The following COL24A1 variants were observed in gnomAD, a reference collection of about 807,000 sequenced individuals.
COL24A1 encodes collagen type XXIV alpha 1 chain, also known as collagen alpha-1(XXIV) chain.
In COL24A1, 224 loss-of-function variants were observed where a neutral mutation model predicts 253.9. The ratio of observed to expected loss-of-function variants is 0.88; its 90% CI spans 0.79 to 0.99. The LOEUF is 0.99. COL24A1 is among the 50% of genes least tolerant of loss of function. The pLI, the probability that COL24A1 is intolerant of heterozygous loss-of-function variation, is 0.00. For missense variants in COL24A1, 2,131 were observed against 2,068.5 expected (o/e 1.03, Z -0.59); for synonymous variants, 685 against 673.7 (o/e 1.02, Z -0.26).
chr1:85,849,836 A>G (rs1677557186), intron 37 of COL24A1, among the ~76,000 whole-genome samples: 1 of 152,200 alleles, frequency 6.6e-6, no homozygotes, highest in Non-Finnish European at 1.5e-5. Flanking sequence ...CATCTTGTGG[A>G]AAGTACAGGA....
chr1:86,064,549 T>G (rs1047546010), intron 7 of COL24A1, among the ~76,000 whole-genome samples: 1 of 152,294 alleles, frequency 6.6e-6, no homozygotes, highest in South Asian at 2.1e-4. Flanking sequence ...CCAAAGGATT[T>G]TGGTGCATAT....
chr1:86,064,640 A>C lies in COL24A1; in HGVS notation c.1708-881T>G, dbSNP rs546644812. Among the ~76,000 whole-genome samples, 77 of 152,298 alleles carry C rather than the reference A, an allele frequency of 5.1e-4. 2 individuals are homozygous for C. In the South Asian group the frequency reaches 0.016, roughly 32 times the overall value. On this transcript the variant is annotated intron_variant, in intron 7 of 59. Coordinates refer to ENST00000370571, the MANE Select transcript of COL24A1 (RefSeq NM_152890.7). ...AAATAAATCATAGTTTATGAATATC[A>C]AAAATTTCCAATTAATATACTGCAA...
chr1:85,982,347 A>G (rs1693337176), intron 20 of COL24A1, among the ~76,000 whole-genome samples: 1 of 152,118 alleles, frequency 6.6e-6, no homozygotes, highest in Admixed American at 6.5e-5. Flanking sequence ...GATCTGTTGT[A>G]CAACAGTGTG....
At chr1:86,133,025 A>G (rs1472849728) in intron 2 of COL24A1, among the ~76,000 whole-genome samples, 4 of 150,720 alleles carry the variant, frequency 2.7e-5, no homozygotes, top group East Asian at 3.9e-4. Context: ...CATTTTTTGT[A>G]TCCTCTTATT....
intron 14 of COL24A1, among the ~76,000 whole-genome samples, chr1:86,030,763 TTTG>T (rs946862958): frequency 7.3e-5 from 11 of 150,280 alleles, no homozygotes; most frequent in Non-Finnish European, 1.5e-4. Context: ...TTTTTTTTTT[TTTG>T]TTGTTGTTGT....
chr1:85,761,331 A>G lies in COL24A1; in HGVS notation c.4437+65T>C, dbSNP rs1666825809. On this transcript the variant is annotated intron_variant, in intron 55 of 59. Coordinates refer to ENST00000370571, the MANE Select transcript of COL24A1 (RefSeq NM_152890.7). Reference sequence around the variant, plus strand: ...CTTTTAATAGAGAGTTAACAGAAGGATATTTAAAAAGTTAATATGACATAC... The same window carrying G: ...CTTTTAATAGAGAGTTAACAGAAGGGTATTTAAAAAGTTAATATGACATAC... 1.9e-6 allele frequency: 3 copies of G among 1,552,002 alleles called. No individual in the cohort carries two copies. In the Admixed American group the frequency reaches 5.2e-5, roughly 27 times the overall value.
At chr1:85,828,494 C>T (rs1325855156) in intron 43 of COL24A1, among the ~76,000 whole-genome samples, 4 of 151,136 alleles carry the variant, frequency 2.6e-5, no homozygotes, top group South Asian at 2.1e-4. Context: ...CTTTCTGTCT[C>T]GTTGATCTGT....
intron 24 of COL24A1, among the ~76,000 whole-genome samples, chr1:85,957,563 T>C (rs528145644): frequency 1.3e-5 from 2 of 152,272 alleles, no homozygotes; most frequent in South Asian, 2.1e-4. Context: ...AAAGGCCTAA[T>C]TGCACACTGG....
chr1:85,740,101 C>G (rs1195951615), intron 57 of COL24A1, among the ~76,000 whole-genome samples: 1 of 152,192 alleles, frequency 6.6e-6, no homozygotes. Context: ...CCTCATTTCA[C>G]TCTACTTGTC....
intron 35 of COL24A1, among the ~76,000 whole-genome samples, chr1:85,869,530 G>A (rs1680182556): frequency 6.6e-6 from 1 of 152,154 alleles, no homozygotes; most frequent in Admixed American, 6.6e-5. Context: ...AGAAGAGAGT[G>A]GGGGCCAACA....
chr1:85,819,256 G>GT (rs138813643), intron 45 of COL24A1, among the ~76,000 whole-genome samples: 4,364 of 152,162 alleles, frequency 0.029, 209 homozygotes, highest in African/African-American at 0.098. Context: ...AGTAAAATAT[G>GT]TTTTTCCTAA....
chr1:85,971,359 G>A lies in COL24A1; in HGVS notation c.2399C>T (p.Pro800Leu), dbSNP rs749471801. 1.2e-6 allele frequency: 2 copies of A among 1,612,472 alleles called. No homozygotes were observed. Among genetic ancestry groups the A allele is most frequent in the Admixed American group, 1.7e-5 (1 of 59,742 alleles). Residue 800 changes from proline (P) to leucine (L), a missense_variant, in exon 21 of 60, where the codon CCT (proline) becomes CTT (leucine). By Grantham distance (98) the Pro-to-Leu change is moderately conservative. Coordinates refer to ENST00000370571, the MANE Select transcript of COL24A1 (RefSeq NM_152890.7). ...CCATACCTGAGTTCCTTTGAGACCA[G>A]GAGGTCCAGGAGGTCCTCTATTTCC... ...LLGNRGPPGP[P>L]GLKGTQGEEG...
intron 10 of COL24A1, among the ~76,000 whole-genome samples, chr1:86,054,166 T>G (rs1357247959): frequency 6.6e-6 from 1 of 152,102 alleles, no homozygotes. Context: ...ATTAAAGACT[T>G]AGTATGTAAG....
In COL24A1 at chr1:86,050,544, C is replaced by T. The variant is rs182144208; in HGVS notation, c.1852-367G>A. Among the ~76,000 whole-genome samples the T allele has an allele frequency of 3.0e-3, 462 of 152,072 alleles. 1 individual carries two copies. The highest frequency in any genetic ancestry group is 9.1e-3 in the African/African-American group (378 of 41,508). On this transcript the variant is annotated intron_variant, in intron 10 of 59. Transcript: ENST00000370571. ...AAGAAGTACAGTGGAGGAAGAGATA[C>T]ATTTCAATGTGGCAGGAGGCAAAGG...
At chr1:85,934,150 TAAGTGA>T (rs1558713674) in intron 24 of COL24A1, among the ~76,000 whole-genome samples, 1 of 152,074 alleles carries the variant, frequency 6.6e-6, no homozygotes, top group Admixed American at 6.6e-5. Context: ...TCCCCCAGAT[TAAGTGA>T]TGCAAGAAAG....
intron 2 of COL24A1, among the ~76,000 whole-genome samples, chr1:86,131,362 T>C (rs1437941007): frequency 1.3e-5 from 2 of 151,784 alleles, no homozygotes; most frequent in Admixed American, 6.6e-5. Flanking sequence ...ATAGTTTTGG[T>C]TTTCTTTTTT....
At chr1:86,126,362 TAAG>T (rs1648302003) in intron 2 of COL24A1, 148 bp from the exon 3 acceptor site, 11 of 686,754 alleles carry the variant, frequency 1.6e-5, no homozygotes, top group Non-Finnish European at 2.4e-5. Context: ...TTATGGGTAA[TAAG>T]AAATAGGGAG....
At chr1:85,970,129 C>T in intron 22 of COL24A1, 98 bp downstream of exon 22, 2 of 1,089,994 alleles carry the variant, frequency 1.8e-6, no homozygotes, top group Non-Finnish European at 2.6e-6. Flanking sequence ...TCATTTTTGT[C>T]CTTTACTATA....
intron 47 of COL24A1, among the ~76,000 whole-genome samples, chr1:85,804,013 T>C (rs922560912): frequency 3.9e-5 from 6 of 152,106 alleles, no homozygotes; most frequent in Admixed American, 1.3e-4. Flanking sequence ...AAAAATAATT[T>C]TTGGAGAAAG....
Sources: gnomAD v4.1 joint callset for allele counts (sites outside exome capture counted in the v4.1 genomes callset) on GRCh38, gnomAD v4.1.1 for gene constraint, MANE v1.5 for transcripts, NCBI Gene and HGNC (gene_info 2026-07-23, HGNC 2026-07-21) for gene names.